Variants in PRR5L observed in about 807,000 individuals in gnomAD.
PRR5L encodes the protein proline rich 5 like.
A neutral mutation model predicts 36.4 loss-of-function variants in PRR5L; 21 were observed. That is an observed-to-expected ratio of 0.58 (90% confidence interval 0.41 to 0.83). The LOEUF is 0.83. PRR5L is among the 40% of genes least tolerant of loss of function. The pLI is 0.00. For missense variants in PRR5L, 381 were observed against 473.3 expected (o/e 0.80, Z 1.81); for synonymous variants, 188 against 197.0 (o/e 0.95, Z 0.38).
Position 36,401,020 on chromosome 11 carries a change from A to G in PRR5L, c.-102A>G. ...AGGTGTTGGCTACGTTTGTGGTTTT[A>G]AGAAAGCCTGAGGGCCTGAAGGCAG... On this transcript the variant is annotated 5_prime_UTR_variant, in exon 2 of 9. Transcript: ENST00000530639. 1.3e-6 allele frequency: 2 copies of G among 1,500,478 alleles called. No individual in the cohort carries two copies. The allele number at this position is 1,500,478 out of a possible 1,614,324, so 92.9% of individuals were successfully genotyped here. A position where few individuals can be genotyped will look rare whatever the true frequency, so the allele number is the denominator to read the frequency against.
chr11:36,453,619 A>C (rs1858987837), intron 8 of PRR5L, among the ~76,000 whole-genome samples: 1 of 152,132 alleles, frequency 6.6e-6, no homozygotes, highest in African/African-American at 2.4e-5. Context: ...GGGAGGTGCT[A>C]TAGCTATATC....
chr11:36,380,673 A>G (rs1381088538), intron 1 of PRR5L: 1 of 152,204 alleles, frequency 6.6e-6, no homozygotes, highest in Non-Finnish European at 1.5e-5. Context: ...ATCAACTAAG[A>G]ATTTAAACGG....
At chr11:36,363,573 G>A (rs1857115252) in intron 1 of PRR5L, among the ~76,000 whole-genome samples, 1 of 152,186 alleles carries the variant, frequency 6.6e-6, no homozygotes. Flanking sequence ...GCCTTTGAGA[G>A]ATGAATCAAC....
At chr11:36,351,413 GTATATATATTTATATATT>G (rs1856948340) in intron 1 of PRR5L, among the ~76,000 whole-genome samples, 7 of 53,522 alleles carry the variant, frequency 1.3e-4, no homozygotes, top group South Asian at 6.3e-4. Context: ...AAATATATAT[GTATATATATTTATATATT>G]TATATATACA....
intron 1 of PRR5L, among the ~76,000 whole-genome samples, chr11:36,318,336 T>A (rs1001774674): frequency 1.3e-5 from 2 of 152,218 alleles, no homozygotes; most frequent in African/African-American, 4.8e-5. Context: ...AAGTCAATAA[T>A]TTAAATGAAT....
chr11:36,401,353 G>A, intron 2 of PRR5L, 68 bp downstream of exon 2: 2 of 1,474,160 alleles, frequency 1.4e-6, no homozygotes, highest in Non-Finnish European at 1.9e-6. Flanking sequence ...AGGCATCCGG[G>A]GGCTGACTGA....
At chr11:36,373,672 A>G (rs562585830) in intron 1 of PRR5L, among the ~76,000 whole-genome samples, 1 of 152,100 alleles carries the variant, frequency 6.6e-6, no homozygotes, top group South Asian at 2.1e-4. Flanking sequence ...AAAGAATTTA[A>G]CCTCTTTAAA....
intron 8 of PRR5L, among the ~76,000 whole-genome samples, chr11:36,454,503 G>C (rs571658958): frequency 6.6e-6 from 1 of 152,298 alleles, no homozygotes; most frequent in South Asian, 2.1e-4. Context: ...CTATGGGAGG[G>C]CTTTGCCGTG....
At chr11:36,450,056 C>T (rs546036087) in intron 7 of PRR5L, among the ~76,000 whole-genome samples, 120 of 152,186 alleles carry the variant, frequency 7.9e-4, no homozygotes, top group African/African-American at 2.7e-3. Flanking sequence ...AAGCTGTGTC[C>T]TCTCTCCCCC....
intron 1 of PRR5L, among the ~76,000 whole-genome samples, chr11:36,356,907 C>G (rs1423934540): frequency 6.6e-6 from 1 of 152,172 alleles, no homozygotes; most frequent in Non-Finnish European, 1.5e-5. Context: ...GATCATGTCT[C>G]TCACTTTAAG....
At chr11:36,429,571 G>A (rs549330500) in intron 4 of PRR5L, among the ~76,000 whole-genome samples, 3 of 152,100 alleles carry the variant, frequency 2.0e-5, no homozygotes, top group South Asian at 2.1e-4. Flanking sequence ...TCACAGAGGC[G>A]ATCTCTATTA....
chr11:36,404,953 G>A (rs1857879014), intron 3 of PRR5L, among the ~76,000 whole-genome samples: 1 of 152,142 alleles, frequency 6.6e-6, no homozygotes, highest in Non-Finnish European at 1.5e-5. Flanking sequence ...TTTTCTCCAA[G>A]AACTAAAATT....
chr11:36,348,844 A>G (rs186557127), intron 1 of PRR5L, among the ~76,000 whole-genome samples: 1 of 152,204 alleles, frequency 6.6e-6, no homozygotes, highest in Non-Finnish European at 1.5e-5. Context: ...AGTGGAGTTC[A>G]GAAAATTAGT....
chr11:36,340,368 C>T (rs7101640), intron 1 of PRR5L, among the ~76,000 whole-genome samples: 37,059 of 152,130 alleles, frequency 0.24, 6,393 homozygotes, highest in African/African-American at 0.49. Flanking sequence ...TCCCTCCTCC[C>T]TATGACTTGG....
At chr11:36,371,945 C>A (rs1857201455) in intron 1 of PRR5L, among the ~76,000 whole-genome samples, 1 of 152,110 alleles carries the variant, frequency 6.6e-6, no homozygotes, top group Non-Finnish European at 1.5e-5. Context: ...GTAATCCCAG[C>A]CACTTGGGAG....
chr11:36,347,212 AAC>A (rs565979537), intron 1 of PRR5L, among the ~76,000 whole-genome samples: 99 of 152,314 alleles, frequency 6.5e-4, no homozygotes, highest in African/African-American at 2.2e-3. Context: ...TTTGAAATGA[AAC>A]ACATGTATTG....
chr11:36,337,526 G>T (rs577741974), intron 1 of PRR5L, among the ~76,000 whole-genome samples: 148 of 152,278 alleles, frequency 9.7e-4, no homozygotes, highest in African/African-American at 3.4e-3. Context: ...AAATTTTCTT[G>T]TGTATTTATG....
intron 4 of PRR5L, among the ~76,000 whole-genome samples, chr11:36,431,455 C>CT (rs35379496): frequency 0.24 from 35,810 of 151,014 alleles, 4,603 homozygotes; most frequent in East Asian, 0.41. Flanking sequence ...CTAAATTTAT[C>CT]TTTTTTTTTA....
intron 1 of PRR5L, among the ~76,000 whole-genome samples, chr11:36,365,180 T>C (rs946786322): frequency 6.6e-6 from 1 of 152,232 alleles, no homozygotes; most frequent in Admixed American, 6.5e-5. Context: ...CTGGTTCTTA[T>C]GATAAAGCAC....
Sources: gnomAD v4.1 joint callset for allele counts (sites outside exome capture counted in the v4.1 genomes callset) on GRCh38, gnomAD v4.1.1 for gene constraint, MANE v1.5 for transcripts, NCBI Gene and HGNC (gene_info 2026-07-23, HGNC 2026-07-21) for gene names.